The following DMD variants were observed in gnomAD, a reference collection of about 807,000 sequenced individuals.
DMD encodes dystrophin, also known as mutant dystrophin.
Under a neutral mutation model 330.1 loss-of-function variants are expected in DMD, and 63 were observed. The observed-to-expected ratio is 0.19, with a 90% CI of 0.16 to 0.24. The LOEUF (loss-of-function observed/expected upper bound fraction) is 0.24, where lower values mean the gene tolerates loss of function less well. Among genes scored for constraint, DMD ranks in the 10% least tolerant of loss-of-function variants. DMD has a pLI of 1.00. For missense variants in DMD, 3,344 were observed against 2,684.1 expected (o/e 1.25, Z -5.43); for synonymous variants, 1,223 against 959.8 (o/e 1.27, Z -5.07).
intron 59 of DMD, among the ~76,000 whole-genome samples, chrX:31,473,711 C>CAAAAAAAAAAAAAAAAAAAAAAAA (rs55752684): frequency 7.5e-5 from 3 of 40,145 alleles, no homozygotes; most frequent in Non-Finnish European, 9.5e-5. Context: ...GACTCTGTCT[C>CAAAAAAAAAAAAAAAAAAAAAAAA]AAAAAAAAAA....
chrX:31,375,857 A>C (rs777421208), intron 60 of DMD, among the ~76,000 whole-genome samples: 1 of 109,281 alleles, frequency 9.2e-6, no homozygotes, highest in Non-Finnish European at 1.9e-5. Flanking sequence ...ATTTTACATT[A>C]TGTGTTTTTA....
chrX:31,665,754 T>C (rs2148660345), intron 53 of DMD, among the ~76,000 whole-genome samples: 1 of 111,945 alleles, frequency 8.9e-6, no homozygotes, highest in Admixed American at 9.5e-5. Flanking sequence ...GCCAACCCAT[T>C]AGAGTTCCAT....
At chrX:31,205,491 A>C (rs1185066914) in intron 66 of DMD, among the ~76,000 whole-genome samples, 3 of 112,341 alleles carry the variant, frequency 2.7e-5, no homozygotes, top group African/African-American at 9.7e-5. Context: ...TATTCAATTT[A>C]ATATTATATT....
chrX:31,412,806 T>C (rs1395715670), intron 60 of DMD, among the ~76,000 whole-genome samples: 2 of 111,935 alleles, frequency 1.8e-5, no homozygotes, highest in African/African-American at 6.5e-5. Context: ...TGATGGAAAT[T>C]TGTGAAGCAG....
At chrX:31,677,069 T>G (rs771938127) in intron 53 of DMD, among the ~76,000 whole-genome samples, 1 of 1,648 alleles carries the variant, frequency 6.1e-4, no homozygotes, top group East Asian at 0.12. Flanking sequence ...TCCAAAGCGT[T>G]TTTTTTTTTT....
chrX:31,734,271 C>T lies in DMD; in HGVS notation c.7543-4523G>A, dbSNP rs180895785. Among the ~76,000 whole-genome samples the T allele has an allele frequency of 2.7e-5, 3 of 109,127 alleles. No homozygotes were observed. In the East Asian group the frequency reaches 8.6e-4, roughly 31 times the overall value. The allele number at this position is 109,127 out of a possible 115,157, so 94.8% of individuals were successfully genotyped here. Reference sequence around the variant, plus strand: ...GAGAATAATTTGCAGATATCATGCCCCTTTACCCTTAAATACTTTAGGTTT... The same window carrying T: ...GAGAATAATTTGCAGATATCATGCCTCTTTACCCTTAAATACTTTAGGTTT... On this transcript the variant is annotated intron_variant, in intron 51 of 78. Transcript: ENST00000357033.
intron 37 of DMD, among the ~76,000 whole-genome samples, chrX:32,362,123 G>T (rs2097838415): frequency 9.0e-6 from 1 of 111,601 alleles, no homozygotes; most frequent in Non-Finnish European, 1.9e-5. Context: ...TTCTTAAACA[G>T]TAATATAAAT....
intron 26 of DMD, among the ~76,000 whole-genome samples, chrX:32,453,473 G>A (rs185196710): frequency 2.7e-5 from 3 of 110,438 alleles, no homozygotes; most frequent in Non-Finnish European, 5.7e-5. Flanking sequence ...TGACAGATTC[G>A]ATATTTAAAC....
intron 45 of DMD, among the ~76,000 whole-genome samples, chrX:31,944,793 G>A (rs956987334): frequency 2.7e-5 from 3 of 110,006 alleles, no homozygotes; most frequent in African/African-American, 9.9e-5. Flanking sequence ...CAGGCGTGAG[G>A]CACCGCGCCT....
intron 59 of DMD, among the ~76,000 whole-genome samples, chrX:31,447,838 C>T (rs190834728): frequency 2.1e-4 from 23 of 107,652 alleles, no homozygotes; most frequent in African/African-American, 6.4e-4. Context: ...GAAACCCTGT[C>T]TCTACTAAAG....
At chrX:32,495,414 A>G (rs1048565456) in intron 19 of DMD, among the ~76,000 whole-genome samples, 4 of 111,734 alleles carry the variant, frequency 3.6e-5, no homozygotes, top group Non-Finnish European at 7.5e-5. Context: ...CCATACACAA[A>G]CAAGCACACA....
chrX:32,262,898 A>G (rs762156995), intron 43 of DMD, among the ~76,000 whole-genome samples: 27 of 111,617 alleles, frequency 2.4e-4, no homozygotes, highest in African/African-American at 7.8e-4. Context: ...CCAACCCCAC[A>G]TGGGACCAGA....
chrX:32,285,190 A>C (rs1225215310), intron 43 of DMD, among the ~76,000 whole-genome samples: 1 of 112,154 alleles, frequency 8.9e-6, no homozygotes, highest in African/African-American at 3.2e-5. Context: ...GCTATCCAAG[A>C]AACCTCAACG....
chrX:32,756,046 G>A (rs377254236), intron 7 of DMD: 2 of 112,132 alleles, frequency 1.8e-5, no homozygotes, highest in Non-Finnish European at 3.8e-5. Context: ...TATGGCTATT[G>A]GCTTTGTTTT....
chrX:31,160,855 C>T (rs765572444), intron 74 of DMD, among the ~76,000 whole-genome samples: 119 of 111,769 alleles, frequency 1.1e-3, no homozygotes, highest in African/African-American at 3.5e-3. Context: ...CCATGAGAAA[C>T]AGCCACATAT....
intron 67 of DMD, among the ~76,000 whole-genome samples, chrX:31,192,065 G>A (rs923581793): frequency 1.8e-5 from 2 of 112,303 alleles, no homozygotes; most frequent in Non-Finnish European, 3.8e-5. Context: ...TCCCTGATCT[G>A]TTATTACAAT....
chrX:32,890,310 C>G (rs1177170471), intron 2 of DMD, among the ~76,000 whole-genome samples: 1 of 110,752 alleles, frequency 9.0e-6, no homozygotes, highest in Non-Finnish European at 1.9e-5. Context: ...TCCATAGGTC[C>G]TCGCAGAAAG....
At chrX:32,174,519 A>T (rs745531063) in intron 44 of DMD, among the ~76,000 whole-genome samples, 4 of 112,042 alleles carry the variant, frequency 3.6e-5, no homozygotes, top group South Asian at 7.4e-4. Context: ...TCTATTGTCT[A>T]TGACTGCTTC....
chrX:33,177,278 C>T (rs983021300), intron 1 of DMD, among the ~76,000 whole-genome samples: 2 of 112,420 alleles, frequency 1.8e-5, no homozygotes, highest in Non-Finnish European at 3.8e-5. Context: ...GATGGGTGTG[C>T]TACCTGGTGA....
Sources: allele counts gnomAD v4.1 joint callset (sites outside exome capture counted in the v4.1 genomes callset), GRCh38; gene constraint gnomAD v4.1.1; transcripts MANE v1.5; gene names NCBI Gene and HGNC (gene_info 2026-07-23, HGNC 2026-07-21).